Variants in HMGB1 observed in about 807,000 individuals in gnomAD.
HMGB1 encodes the protein high mobility group box 1, also known as high mobility group protein B1.
For missense variants in HMGB1, 79 were observed against 253.5 expected, an observed-to-expected ratio of 0.31 and a Z score of 4.67; for synonymous variants, 81 against 84.0, an observed-to-expected ratio of 0.96 and a Z score of 0.19.
intron 1 of HMGB1, among the ~76,000 whole-genome samples, chr13:30,532,547 C>T (rs754403464): frequency 6.6e-6 from 1 of 151,962 alleles, no homozygotes; most frequent in Non-Finnish European, 1.5e-5. Flanking sequence ...CTCACTCTGT[C>T]GCCCAGGGTG....
intron 1 of HMGB1, among the ~76,000 whole-genome samples, chr13:30,531,637 C>T (rs752509800): frequency 2.6e-5 from 4 of 151,862 alleles, no homozygotes; most frequent in Non-Finnish European, 4.4e-5. Context: ...CGGTGGCTCA[C>T]GCCTGTAATC....
intron 1 of HMGB1, among the ~76,000 whole-genome samples, chr13:30,598,499 GCCT>G (rs1284413157): frequency 2.2e-4 from 34 of 152,342 alleles, no homozygotes; most frequent in African/African-American, 8.2e-4. Context: ...TCTTCAACTG[GCCT>G]CCTCATTTTT....
intron 1 of HMGB1, among the ~76,000 whole-genome samples, chr13:30,515,939 A>T (rs901467143): frequency 3.3e-5 from 5 of 152,212 alleles, no homozygotes; most frequent in Non-Finnish European, 1.5e-5. Context: ...CCTACTTCCG[A>T]GGTCCTTAGA....
rs555871952 is a variant in HMGB1 at position 30,591,644 on chromosome 13, G to A, written c.-15+25027C>T. ...CCCACCTCAGCCTCCTGAGTGGTTG[G>A]GACCACAGGCGCATGCCACTACATC... On this transcript the variant is annotated intron_variant, in intron 1 of 4. Coordinates refer to the HMGB1 transcript ENST00000405805. Among the ~76,000 whole-genome samples, 196 of 151,996 alleles carry A rather than the reference G, an allele frequency of 1.3e-3. 2 individuals are homozygous for A. The highest frequency in any genetic ancestry group is 4.6e-3 in the African/African-American group (189 of 41,414).
At chr13:30,517,228 C>T (rs1888121384) in intron 1 of HMGB1, among the ~76,000 whole-genome samples, 1 of 152,162 alleles carries the variant, frequency 6.6e-6, no homozygotes. Flanking sequence ...TGGGGTGAGA[C>T]CCCCAAAATA....
intron 1 of HMGB1, among the ~76,000 whole-genome samples, chr13:30,500,998 T>A (rs9551928): frequency 0.83 from 125,427 of 151,740 alleles, 56,739 homozygotes; most frequent in East Asian, 1. Context: ...TTTTAAAAAA[T>A]TTTTTTGCAG....
At chr13:30,491,289 C>T (rs980864683) in intron 1 of HMGB1, among the ~76,000 whole-genome samples, 3 of 150,892 alleles carry the variant, frequency 2.0e-5, no homozygotes, top group Non-Finnish European at 4.4e-5. Context: ...CTTGGCCTCC[C>T]AAAGTGCTGA....
intron 1 of HMGB1, among the ~76,000 whole-genome samples, chr13:30,563,116 C>G (rs1168822484): frequency 3.9e-5 from 6 of 152,242 alleles, no homozygotes; most frequent in African/African-American, 1.2e-4. Context: ...ACCAGTAATT[C>G]TAAGGCCAAT....
intron 1 of HMGB1, among the ~76,000 whole-genome samples, chr13:30,602,544 T>C (rs1474297093): frequency 6.6e-6 from 1 of 152,220 alleles, no homozygotes; most frequent in Non-Finnish European, 1.5e-5. Flanking sequence ...TTAAAAGTCA[T>C]TTTTTCCTCC....
At chr13:30,512,206 T>G (rs1888008200) in intron 1 of HMGB1, among the ~76,000 whole-genome samples, 1 of 151,314 alleles carries the variant, frequency 6.6e-6, no homozygotes, top group Non-Finnish European at 1.5e-5. Flanking sequence ...GCTCTGTAAA[T>G]GAGTGACTGA....
chr13:30,582,917 C>G (rs1870966687), intron 1 of HMGB1, among the ~76,000 whole-genome samples: 1 of 152,206 alleles, frequency 6.6e-6, no homozygotes, highest in Admixed American at 6.5e-5. Flanking sequence ...ATCCTACTAT[C>G]TCTGCTGCTA....
At chr13:30,509,924 A>G (rs115549409) in intron 1 of HMGB1, among the ~76,000 whole-genome samples, 2,027 of 152,226 alleles carry the variant, frequency 0.013, 34 homozygotes, top group African/African-American at 0.046. Flanking sequence ...TTTAACTCTT[A>G]CCTATAGGCT....
chr13:30,458,596 T>A lies in HMGB1; in HGVS notation c.*2761A>T, dbSNP rs2137381756. 6.6e-6 allele frequency: 1 copy of A among 152,408 alleles called. No homozygotes were observed. Among genetic ancestry groups the A allele is most frequent in the African/African-American group, 2.4e-5 (1 of 41,584 alleles). 9.4% of individuals were successfully genotyped at this position (152,408 alleles called of 1,614,324 possible). ...TGCCCGCCTTGGCCTCCCAAAGTGC[T>A]GGGATTACAGGCGTGAGCCACTGCG... On this transcript the variant is annotated 3_prime_UTR_variant, in exon 5 of 5. Coordinates refer to ENST00000341423, the MANE Select transcript of HMGB1 (RefSeq NM_002128.7).
chr13:30,513,167 CA>C (rs112751570), intron 1 of HMGB1, among the ~76,000 whole-genome samples: 3 of 151,018 alleles, frequency 2.0e-5, no homozygotes, highest in African/African-American at 4.9e-5. Flanking sequence ...GACTGCATCT[CA>C]AAAAAAACAA....
chr13:30,555,161 C>A (rs1170467408), intron 1 of HMGB1, among the ~76,000 whole-genome samples: 2 of 150,398 alleles, frequency 1.3e-5, no homozygotes, highest in East Asian at 4.0e-4. Context: ...CCTGCCTCAG[C>A]CTCCGGAGTA....
intron 1 of HMGB1, among the ~76,000 whole-genome samples, chr13:30,575,519 CT>C (rs1870614527): frequency 6.6e-6 from 1 of 152,128 alleles, no homozygotes; most frequent in Admixed American, 6.5e-5. Flanking sequence ...TAACTGAATT[CT>C]AAGATAAACT....
rs1000337059 is a variant in HMGB1 at position 30,559,832 on chromosome 13, G to A, written c.-15+56839C>T. Among the ~76,000 whole-genome samples the A allele has an allele frequency of 6.6e-6, 1 of 152,196 alleles. No individual in the cohort carries two copies. Among genetic ancestry groups the A allele is most frequent in the Admixed American group, 6.5e-5 (1 of 15,284 alleles). On this transcript the variant is annotated intron_variant, in intron 1 of 4. Transcript: ENST00000405805. The surrounding 1 kb of genome is among the most constrained non-coding windows in gnomAD (Gnocchi z 6.6). ...GAAACAGCAGATTGTGAAAGGGTAT[G>A]TGACTGACAATTATTAAACAATTAA... is the stretch of plus-strand genomic sequence containing the variant.
chr13:30,524,337 TAAA>T (rs756389867), intron 1 of HMGB1, among the ~76,000 whole-genome samples: 1 of 47,440 alleles, frequency 2.1e-5, no homozygotes, highest in African/African-American at 5.5e-5. Flanking sequence ...TAAAGTATAT[TAAA>T]AAAAAAAAAA....
intron 1 of HMGB1, among the ~76,000 whole-genome samples, chr13:30,605,607 A>T (rs1168422341): frequency 6.6e-6 from 1 of 152,244 alleles, no homozygotes; most frequent in Non-Finnish European, 1.5e-5. Flanking sequence ...GTGGGAAGAC[A>T]GGAATAAAAG....
Sources: gnomAD v4.1 joint callset for allele counts (sites outside exome capture counted in the v4.1 genomes callset) on GRCh38, gnomAD v4.1.1 for gene constraint, Gnocchi (gnomAD v3.1) non-coding constraint, MANE v1.5 for transcripts, NCBI Gene and HGNC (gene_info 2026-07-23, HGNC 2026-07-21) for gene names.